The following PRR5L variants were observed in gnomAD, a reference collection of about 807,000 sequenced individuals.
PRR5L encodes proline rich 5 like, also known as proline-rich protein 5-like.
PRR5L carries 21 observed loss-of-function variants against 36.4 expected under a neutral mutation model. That is an observed-to-expected ratio of 0.58 (90% CI 0.41 to 0.83). The LOEUF is 0.83. PRR5L is among the 40% of genes least tolerant of loss of function. The pLI, the probability that PRR5L is intolerant of heterozygous loss-of-function variation, is 0.00. For synonymous variants in PRR5L, 188 were observed against 197.0 expected, an observed-to-expected ratio of 0.95 and a Z score of 0.38; for missense variants, 381 against 473.3, an observed-to-expected ratio of 0.80 and a Z score of 1.81.
chr11:36,325,487 C>T (rs901617055), intron 1 of PRR5L, among the ~76,000 whole-genome samples: 3 of 152,214 alleles, frequency 2.0e-5, no homozygotes, highest in Admixed American at 1.3e-4. Flanking sequence ...AGGGAGGGGA[C>T]CCAAAGAGGG....
intron 1 of PRR5L, among the ~76,000 whole-genome samples, chr11:36,351,333 T>C (rs185093132): frequency 2.8e-5 from 2 of 72,696 alleles, no homozygotes; most frequent in Non-Finnish European, 4.6e-5. Context: ...AATATTTATA[T>C]ATATTTATAA....
intron 3 of PRR5L, among the ~76,000 whole-genome samples, chr11:36,418,100 T>G (rs1858184990): frequency 6.6e-6 from 1 of 152,230 alleles, no homozygotes; most frequent in Admixed American, 6.5e-5. Context: ...GTATATTTAT[T>G]AACGTGCTAT....
chr11:36,373,226 A>G (rs1857215656), intron 1 of PRR5L, among the ~76,000 whole-genome samples: 1 of 152,134 alleles, frequency 6.6e-6, no homozygotes, highest in East Asian at 1.9e-4. Flanking sequence ...ATATCTAATA[A>G]AGACCTAGAA....
At chr11:36,419,394 C>G in intron 4 of PRR5L, 91 bp downstream of exon 4, 2 of 1,127,430 alleles carry the variant, frequency 1.8e-6, no homozygotes, top group Non-Finnish European at 1.4e-6. Flanking sequence ...GTTGGACATT[C>G]CTTCAACAGA....
At position 36,344,783 on chromosome 11, in the gene PRR5L, GA is replaced by G. The variant is rs2133483241; in HGVS notation, c.-126+48346del. On this transcript the variant is annotated intron_variant, in intron 1 of 8. Transcript: ENST00000530639. The surrounding 1 kb of genome is among the most constrained non-coding windows in gnomAD (Gnocchi z 4.1). Reference sequence around the variant, plus strand: ...TGAGGATTCTGACTGAGAATGAACTGACCAGCCATCAGGTTTAATTAGTGCT... The same window carrying G: ...TGAGGATTCTGACTGAGAATGAACTGCCAGCCATCAGGTTTAATTAGTGCT... Among the ~76,000 whole-genome samples, 1 of 152,256 alleles carries G rather than the reference GA, an allele frequency of 6.6e-6. No individual in the cohort carries two copies. Among genetic ancestry groups the G allele is most frequent in the East Asian group, 1.9e-4 (1 of 5,190 alleles).
At chr11:36,387,815 A>G (rs1857485751) in intron 1 of PRR5L, among the ~76,000 whole-genome samples, 2 of 152,254 alleles carry the variant, frequency 1.3e-5, no homozygotes, top group South Asian at 4.1e-4. Flanking sequence ...GTGATGGGGT[A>G]GAATAAAGGT....
chr11:36,376,360 G>GGAA, intron 1 of PRR5L: 1 of 1,149,900 alleles, frequency 8.7e-7, no homozygotes, highest in African/African-American at 1.6e-5. Flanking sequence ...AGGAGGAGGA[G>GGAA]GAGGAGGAGG....
rs144921437 is a variant in PRR5L, at chr11:36,387,257, G to C, written c.-125-13740G>C. On this transcript the variant is annotated intron_variant, in intron 1 of 8. Transcript: ENST00000530639. ...CACAGGGTGGGGAACACCACACACC[G>C]GGGCCTGTCGTGGAGTGTGGGGAGG... Among the ~76,000 whole-genome samples the C allele has an allele frequency of 9.7e-3, 1,472 of 152,210 alleles. 23 individuals are homozygous for C. Among genetic ancestry groups the C allele is most frequent in the African/African-American group, 0.034 (1,393 of 41,526 alleles).
intron 6 of PRR5L, among the ~76,000 whole-genome samples, chr11:36,443,903 T>C (rs10742373): frequency 0.57 from 87,042 of 151,980 alleles, 25,224 homozygotes; most frequent in Admixed American, 0.62. Context: ...CCCCAGTTGG[T>C]GTAAGACAGT....
intron 2 of PRR5L, among the ~76,000 whole-genome samples, chr11:36,402,907 C>T (rs1029526894): frequency 6.6e-6 from 1 of 152,212 alleles, no homozygotes; most frequent in African/African-American, 2.4e-5. Context: ...ACCAAGCTTC[C>T]CTGTGAAGAC....
At chr11:36,407,605 T>A (rs939390629) in intron 3 of PRR5L, among the ~76,000 whole-genome samples, 1 of 152,174 alleles carries the variant, frequency 6.6e-6, no homozygotes. Context: ...TGAACCCAAA[T>A]GGTAATAAAC....
intron 1 of PRR5L, among the ~76,000 whole-genome samples, chr11:36,364,562 C>G (rs1264234311): frequency 6.6e-6 from 1 of 152,148 alleles, no homozygotes; most frequent in African/African-American, 2.4e-5. Context: ...TAGAATAGTG[C>G]CTGGTGCTTA....
chr11:36,318,117 G>C (rs1856576198), intron 1 of PRR5L, among the ~76,000 whole-genome samples: 1 of 152,140 alleles, frequency 6.6e-6, no homozygotes. Context: ...AGTCAGTAGA[G>C]TAATACGCTG....
At chr11:36,330,148 T>A (rs1322434268) in intron 1 of PRR5L, among the ~76,000 whole-genome samples, 2 of 152,246 alleles carry the variant, frequency 1.3e-5, no homozygotes, top group African/African-American at 4.8e-5. Flanking sequence ...TTCTGAATTC[T>A]GCAGGGCTTA....
chr11:36,323,892 A>G (rs1365304791), intron 1 of PRR5L, among the ~76,000 whole-genome samples: 1 of 152,206 alleles, frequency 6.6e-6, no homozygotes, highest in African/African-American at 2.4e-5. Flanking sequence ...TCTTTTAAAA[A>G]ATTGAGCTAA....
intron 3 of PRR5L, among the ~76,000 whole-genome samples, chr11:36,414,284 G>A (rs1245232969): frequency 1.2e-4 from 18 of 150,118 alleles, no homozygotes; most frequent in East Asian, 4.0e-4. Context: ...CTGAGGAATC[G>A]CCACACTGAC....
chr11:36,360,072 CA>C (rs1857070446), intron 1 of PRR5L, among the ~76,000 whole-genome samples: 2 of 59,252 alleles, frequency 3.4e-5, no homozygotes, highest in South Asian at 5.0e-4. Flanking sequence ...CATACACACA[CA>C]CCCACACACA....
chr11:36,456,605 C>T (rs1859062978), intron 8 of PRR5L, among the ~76,000 whole-genome samples: 1 of 152,212 alleles, frequency 6.6e-6, no homozygotes, highest in African/African-American at 2.4e-5. Context: ...ACAAGCTGGG[C>T]CTGTGCTGTC....
chr11:36,422,964 C>T lies in PRR5L; in HGVS notation c.294+3661C>T, dbSNP rs189218102. Reference sequence around the variant, plus strand: ...GAAACGTTCTGGATTTTCCTATTTACCTCATTAGGTATCTTGGTGGTTCAG... The same window carrying T: ...GAAACGTTCTGGATTTTCCTATTTATCTCATTAGGTATCTTGGTGGTTCAG... On this transcript the variant is annotated intron_variant, in intron 4 of 8. Transcript: ENST00000530639. Among the ~76,000 whole-genome samples the T allele has an allele frequency of 1.2e-4, 18 of 152,114 alleles. No individual in the cohort carries two copies. The East Asian group carries it at 3.5e-3, about 29-fold the overall frequency.
Sources: allele counts gnomAD v4.1 joint callset (sites outside exome capture counted in the v4.1 genomes callset), GRCh38; gene constraint gnomAD v4.1.1; non-coding constraint Gnocchi (gnomAD v3.1); transcripts MANE v1.5; gene names NCBI Gene and HGNC (gene_info 2026-07-23, HGNC 2026-07-21).